CDH2: variants seen among roughly 807,000 people sequenced by gnomAD.
CDH2 encodes cadherin-2.
In CDH2, 17 loss-of-function variants were observed where a neutral mutation model predicts 92.0. The ratio of observed to expected loss-of-function variants is 0.18; its 90% CI spans 0.13 to 0.28. CDH2 has a LOEUF of 0.28. Among genes scored for constraint, CDH2 ranks in the 10% least tolerant of loss-of-function variants. The pLI is 1.00. For synonymous variants in CDH2, 419 were observed against 415.9 expected, an observed-to-expected ratio of 1.01 and a Z score of -0.09; for missense variants, 862 against 1,133.1, an observed-to-expected ratio of 0.76 and a Z score of 3.44.
At chr18:28,038,754 T>C (rs186220831) in intron 2 of CDH2, among the ~76,000 whole-genome samples, 11 of 152,240 alleles carry the variant, frequency 7.2e-5, no homozygotes, top group African/African-American at 2.6e-4. Flanking sequence ...TTTCGTGTTT[T>C]CTCCTTATTG....
intron 2 of CDH2, among the ~76,000 whole-genome samples, chr18:28,118,114 A>T (rs1002879853): frequency 2.6e-5 from 4 of 151,152 alleles, no homozygotes; most frequent in Admixed American, 2.0e-4. Context: ...TTTTTTTTTT[A>T]AATATATCCC....
At chr18:27,944,801 T>G (rs1423095218) in intron 6 of CDH2, among the ~76,000 whole-genome samples, 1 of 145,462 alleles carries the variant, frequency 6.9e-6, no homozygotes, top group Non-Finnish European at 1.5e-5. Context: ...TAGTCCCAGC[T>G]ACTCAGGAGC....
chr18:28,154,937 TATC>T (rs1272793464), intron 1 of CDH2, among the ~76,000 whole-genome samples: 3 of 152,218 alleles, frequency 2.0e-5, no homozygotes, highest in Non-Finnish European at 2.9e-5. Flanking sequence ...CTAAGTTAGT[TATC>T]ATAAACTCTT....
chr18:28,071,169 A>C lies in CDH2; in HGVS notation c.173-57260T>G, dbSNP rs533516866. 2.0e-5 allele frequency among the ~76,000 whole-genome samples: 3 copies of C among 152,192 alleles called. No individual in the cohort carries two copies. The East Asian group carries it at 5.8e-4, about 30-fold the overall frequency. On this transcript the variant is annotated intron_variant, in intron 2 of 15. Transcript: ENST00000269141. ...AGGAAACAGGAAGACAGACATCCAGAACTGAAAAATCTGTCAAACTCATTT... is the reference window on the plus strand; with the variant it reads ...AGGAAACAGGAAGACAGACATCCAGCACTGAAAAATCTGTCAAACTCATTT...
intron 8 of CDH2, 138 bp from the exon 9 acceptor site, chr18:27,992,978 G>A (rs1484551177): frequency 1.7e-5 from 9 of 534,712 alleles, no homozygotes; most frequent in Non-Finnish European, 2.6e-5. Flanking sequence ...TGATAATGCA[G>A]GTAATCACAG....
At chr18:27,997,209 C>T (rs374527929) in intron 7 of CDH2, among the ~76,000 whole-genome samples, 7 of 152,152 alleles carry the variant, frequency 4.6e-5, no homozygotes, top group Middle Eastern at 6.3e-3. Context: ...ATCTTATGCA[C>T]GTGCAGCACA....
intron 2 of CDH2, among the ~76,000 whole-genome samples, chr18:28,052,510 T>G (rs546822169): frequency 1.9e-5 from 2 of 106,946 alleles, no homozygotes; most frequent in East Asian, 4.5e-4. Flanking sequence ...TGTATTTGTT[T>G]GGAAAGGGAG....
intron 2 of CDH2, among the ~76,000 whole-genome samples, chr18:28,069,158 A>C (rs1220942957): frequency 6.6e-6 from 1 of 152,168 alleles, no homozygotes; most frequent in African/African-American, 2.4e-5. Context: ...ATTATTTCAC[A>C]ACTTGTGCAC....
At chr18:27,958,146 A>T (rs2011297195) in intron 15 of CDH2, among the ~76,000 whole-genome samples, 1 of 152,214 alleles carries the variant, frequency 6.6e-6, no homozygotes, top group Non-Finnish European at 1.5e-5. Context: ...AAAGGCAAGG[A>T]TCTTGACCTT....
chr18:28,059,989 C>T (rs1035635195), intron 2 of CDH2, among the ~76,000 whole-genome samples: 1 of 152,082 alleles, frequency 6.6e-6, no homozygotes, highest in African/African-American at 2.4e-5. Flanking sequence ...TGATCCTCTG[C>T]ACTCTGTATT....
At chr18:28,005,151 T>C (rs547731156) in intron 6 of CDH2, among the ~76,000 whole-genome samples, 3 of 152,348 alleles carry the variant, frequency 2.0e-5, no homozygotes, top group South Asian at 4.1e-4. Context: ...TCTAGCGGCC[T>C]GGCTTTTCTA....
chr18:27,975,931 T>TC (rs2011812399), intron 14 of CDH2, among the ~76,000 whole-genome samples: 1 of 152,068 alleles, frequency 6.6e-6, no homozygotes, highest in African/African-American at 2.4e-5. Flanking sequence ...TCTGCCCCTC[T>TC]CCTCTGCAAT....
At chr18:28,157,587 T>C (rs1470732575) in intron 1 of CDH2, among the ~76,000 whole-genome samples, 1 of 152,134 alleles carries the variant, frequency 6.6e-6, no homozygotes, top group Non-Finnish European at 1.5e-5. Context: ...CCACTACAAC[T>C]TCCATTAGGA....
At chr18:28,044,095 T>A (rs565126030) in intron 2 of CDH2, among the ~76,000 whole-genome samples, 37 of 151,784 alleles carry the variant, frequency 2.4e-4, no homozygotes, top group African/African-American at 8.2e-4. Flanking sequence ...ATATTTTTAG[T>A]AGAGATAGGT....
intron 2 of CDH2, among the ~76,000 whole-genome samples, chr18:28,074,537 C>T (rs576067168): frequency 9.9e-5 from 15 of 152,118 alleles, no homozygotes; most frequent in African/African-American, 3.6e-4. Context: ...TGAGCCACCA[C>T]GCCCGGACGG....
At chr18:28,164,640 C>A (rs2016352519) in intron 1 of CDH2, among the ~76,000 whole-genome samples, 1 of 132,516 alleles carries the variant, frequency 7.5e-6, no homozygotes, top group Non-Finnish European at 1.5e-5. Context: ...TTGATTCTAG[C>A]CTAGTCTCAA....
intron 2 of CDH2, among the ~76,000 whole-genome samples, chr18:28,120,262 C>CAT (rs1048982305): frequency 1.1e-4 from 17 of 151,684 alleles, no homozygotes; most frequent in African/African-American, 2.7e-4. Context: ...TAATGTGTGT[C>CAT]ATATATATAT....
chr18:28,031,331 C>T (rs372931080), intron 2 of CDH2, among the ~76,000 whole-genome samples: 8 of 151,932 alleles, frequency 5.3e-5, no homozygotes, highest in African/African-American at 9.7e-5. Flanking sequence ...ATCATCAAGA[C>T]GACCAATTCT....
rs189095911 is a variant in CDH2 at position 27,988,463 on chromosome 18, A to T, written c.1741+61T>A. On this transcript the variant is annotated intron_variant, in intron 11 of 15. Coordinates refer to ENST00000269141, the MANE Select transcript of CDH2 (RefSeq NM_001792.5). Reference sequence around the variant, plus strand: ...GTTTTGTAGAAAACTTTAATTCCTGAGCATGCATGATGAGGATCTACTGTC... The same window carrying T: ...GTTTTGTAGAAAACTTTAATTCCTGTGCATGCATGATGAGGATCTACTGTC... The T allele has an allele frequency of 7.0e-5, 100 of 1,433,344 alleles. No individual in the cohort carries two copies. The East Asian group carries it at 2.1e-3, about 31-fold the overall frequency. 88.8% of individuals were successfully genotyped at this position (1,433,344 alleles called of 1,614,324 possible).
Sources: gnomAD v4.1 joint callset for allele counts (sites outside exome capture counted in the v4.1 genomes callset) on GRCh38, gnomAD v4.1.1 for gene constraint, MANE v1.5 for transcripts, NCBI Gene and HGNC (gene_info 2026-07-23, HGNC 2026-07-21) for gene names.